EBF1: variants seen among roughly 807,000 people sequenced by gnomAD.
EBF1 encodes the protein transcription factor COE1.
A neutral mutation model predicts 68.4 loss-of-function variants in EBF1; 10 were observed. The observed-to-expected ratio is 0.15, with a 90% confidence interval of 0.09 to 0.25. The LOEUF (loss-of-function observed/expected upper bound fraction) is 0.25, where lower values mean the gene tolerates loss of function less well. EBF1 is among the 10% of genes least tolerant of loss of function. EBF1 has a pLI of 1.00. For synonymous variants in EBF1, 298 were observed against 299.8 expected, an observed-to-expected ratio of 0.99 and a Z score of 0.06; for missense variants, 509 against 794.4, an observed-to-expected ratio of 0.64 and a Z score of 4.32.
chr5:158,830,907 C>G (rs928199746), intron 7 of EBF1, among the ~76,000 whole-genome samples: 1 of 152,168 alleles, frequency 6.6e-6, no homozygotes, highest in African/African-American at 2.4e-5. Flanking sequence ...TACATTCGCA[C>G]TTTAAGGCTT....
At chr5:158,781,468 G>T (rs957802567) in intron 9 of EBF1, among the ~76,000 whole-genome samples, 1 of 151,658 alleles carries the variant, frequency 6.6e-6, no homozygotes, top group Non-Finnish European at 1.5e-5. Flanking sequence ...TGATCTCTTT[G>T]GCTAAGCATC....
chr5:158,735,401 A>G (rs1226381585), intron 10 of EBF1, among the ~76,000 whole-genome samples: 1 of 152,196 alleles, frequency 6.6e-6, no homozygotes, highest in Non-Finnish European at 1.5e-5. Flanking sequence ...CTTCAAACTC[A>G]TTTACTGGTA....
intron 6 of EBF1, among the ~76,000 whole-genome samples, chr5:159,041,949 C>A (rs1038876527): frequency 1.4e-4 from 21 of 152,112 alleles, no homozygotes; most frequent in African/African-American, 5.1e-4. Flanking sequence ...TGGAGGAAAC[C>A]ACAGAATACT....
At chr5:158,757,329 C>A (rs1159746471) in intron 10 of EBF1, among the ~76,000 whole-genome samples, 2 of 152,162 alleles carry the variant, frequency 1.3e-5, no homozygotes, top group East Asian at 1.9e-4. Flanking sequence ...ATGTTTATAG[C>A]CTCCCTTCTA....
At chr5:158,989,037 C>T (rs187709990) in intron 6 of EBF1, among the ~76,000 whole-genome samples, 38 of 152,290 alleles carry the variant, frequency 2.5e-4, no homozygotes, top group African/African-American at 8.9e-4. Context: ...ACATCGTTGA[C>T]GTGTCCTTCA....
At chr5:159,057,741 TGA>T (rs1009890482) in intron 6 of EBF1, among the ~76,000 whole-genome samples, 1 of 152,206 alleles carries the variant, frequency 6.6e-6, no homozygotes, top group Non-Finnish European at 1.5e-5. Context: ...CTGTAATCTC[TGA>T]GAGTCCACTC....
At chr5:158,848,441 G>A (rs899483446) in intron 6 of EBF1, among the ~76,000 whole-genome samples, 1 of 152,010 alleles carries the variant, frequency 6.6e-6, no homozygotes, top group African/African-American at 2.4e-5. Context: ...TATTTTTTGA[G>A]TTTGCTCCCA....
chr5:158,790,501 GA>G (rs60131709), intron 9 of EBF1, among the ~76,000 whole-genome samples: 7 of 149,294 alleles, frequency 4.7e-5, no homozygotes, highest in East Asian at 2.0e-4. Flanking sequence ...GATCCTTGGG[GA>G]AAAAAAAAAG....
At chr5:159,094,000 CT>C (rs35491355) in intron 4 of EBF1, among the ~76,000 whole-genome samples, 9,887 of 130,042 alleles carry the variant, frequency 0.076, 432 homozygotes, top group Non-Finnish European at 0.11. Context: ...TCCCTCCCAA[CT>C]TTTTTTTTTT....
At chr5:158,874,837 C>A (rs1027932969) in intron 6 of EBF1, among the ~76,000 whole-genome samples, 1 of 152,082 alleles carries the variant, frequency 6.6e-6, no homozygotes, top group Non-Finnish European at 1.5e-5. Flanking sequence ...CTACTTAATG[C>A]AAAGTAACAG....
At chr5:159,010,504 TA>T (rs1169317492) in intron 6 of EBF1, among the ~76,000 whole-genome samples, 1 of 152,188 alleles carries the variant, frequency 6.6e-6, no homozygotes, top group African/African-American at 2.4e-5. Flanking sequence ...GAAGCATGAC[TA>T]GTTTGCATCT....
intron 11 of EBF1, among the ~76,000 whole-genome samples, chr5:158,727,411 C>G (rs142236763): frequency 2.0e-4 from 31 of 152,324 alleles, no homozygotes; most frequent in Middle Eastern, 3.4e-3. Flanking sequence ...CTGCGGCCAT[C>G]AGCATCTCAG....
chr5:158,780,175 C>T (rs1776151460), intron 9 of EBF1, among the ~76,000 whole-genome samples: 1 of 152,176 alleles, frequency 6.6e-6, no homozygotes, highest in Non-Finnish European at 1.5e-5. Flanking sequence ...GGAAGGAATG[C>T]TAGTGATAGT....
chr5:159,058,405 G>A (rs1775175275), intron 6 of EBF1, among the ~76,000 whole-genome samples: 1 of 152,196 alleles, frequency 6.6e-6, no homozygotes, highest in African/African-American at 2.4e-5. Context: ...TAGGTCCAGG[G>A]AAGTTCTCAG....
chr5:158,699,914 A>G (rs951409070), intron 15 of EBF1, among the ~76,000 whole-genome samples: 10 of 152,248 alleles, frequency 6.6e-5, no homozygotes, highest in Non-Finnish European at 1.3e-4. Context: ...ATTCAAAGCT[A>G]GGAGGTCGCA....
intron 9 of EBF1, among the ~76,000 whole-genome samples, chr5:158,787,466 T>G (rs752274656): frequency 1.5e-4 from 23 of 152,238 alleles, no homozygotes; most frequent in Non-Finnish European, 3.4e-4. Context: ...CAAAGCTTTT[T>G]ATTTTATTTA....
rs867839901 is a variant in EBF1 at position 159,075,287 on chromosome 5, C to A, written c.486-1823G>T. Among the ~76,000 whole-genome samples, 11 of 152,250 alleles carry A rather than the reference C, an allele frequency of 7.2e-5. No individual in the cohort carries two copies. In the South Asian group the frequency reaches 2.3e-3, roughly 32 times the overall value. ...CATCATTATCACCCCCTGCACCTAC[C>A]CTCTTCAGTCCCTTCCTCCTTCAAG... On this transcript the variant is annotated intron_variant, in intron 5 of 15. Coordinates refer to ENST00000313708, the MANE Select transcript of EBF1 (RefSeq NM_024007.5).
At chr5:158,829,610 G>C (rs1341648608) in intron 7 of EBF1, among the ~76,000 whole-genome samples, 1 of 152,068 alleles carries the variant, frequency 6.6e-6, no homozygotes, top group South Asian at 2.1e-4. Context: ...GGTTGAGAAG[G>C]TATTATATTT....
intron 6 of EBF1, among the ~76,000 whole-genome samples, chr5:158,998,978 C>G (rs998936504): frequency 1.3e-5 from 2 of 152,074 alleles, no homozygotes; most frequent in Non-Finnish European, 2.9e-5. Flanking sequence ...AAGCATTTCT[C>G]TGTCATGGAA....
Sources: allele counts gnomAD v4.1 joint callset (sites outside exome capture counted in the v4.1 genomes callset), GRCh38; gene constraint gnomAD v4.1.1; transcripts MANE v1.5; gene names NCBI Gene and HGNC (gene_info 2026-07-23, HGNC 2026-07-21).